The following NELL2 variants were observed in gnomAD, a reference collection of about 807,000 sequenced individuals.
NELL2 encodes neural EGFL like 2.
In NELL2, 41 loss-of-function variants were observed where a neutral mutation model predicts 109.6. The ratio of observed to expected loss-of-function variants is 0.37; its 90% CI spans 0.29 to 0.49. The LOEUF is 0.49. NELL2 is among the 20% of genes least tolerant of loss of function. NELL2 has a pLI of 0.98. For synonymous variants in NELL2, 355 were observed against 344.7 expected (o/e 1.03, Z -0.33); for missense variants, 900 against 1,008.3 (o/e 0.89, Z 1.45).
chr12:44,740,554 T>A (rs762977812), intron 9 of NELL2, among the ~76,000 whole-genome samples: 1 of 152,140 alleles, frequency 6.6e-6, no homozygotes, highest in Non-Finnish European at 1.5e-5. Context: ...CTGTACGGCA[T>A]GCTTTTGGGT....
intron 3 of NELL2, among the ~76,000 whole-genome samples, chr12:44,791,065 G>T (rs1169095675): frequency 2.3e-4 from 10 of 43,252 alleles, no homozygotes; most frequent in African/African-American, 8.7e-4. Context: ...GAAAGTTCAA[G>T]TATATATATA....
At chr12:44,645,599 T>G (rs558860037) in intron 13 of NELL2, among the ~76,000 whole-genome samples, 1 of 152,334 alleles carries the variant, frequency 6.6e-6, no homozygotes, top group Non-Finnish European at 1.5e-5. Context: ...AATTTGCTCC[T>G]TGGGTACAAT....
rs76775747 is a variant in NELL2, at chr12:44,508,751, C to T, written c.*183G>A. On this transcript the variant is annotated 3_prime_UTR_variant, in exon 20 of 20. Transcript: ENST00000429094. ...AGGCAGACTTGAGGTCTAATTTTGC[C>T]CCAGTAATTTTCCTTTTGTGATTTT... The T allele has an allele frequency of 2.4e-4, 144 of 601,654 alleles. No individual in the cohort carries two copies. The African/African-American group carries it at 2.5e-3, about 10-fold the overall frequency. The allele number at this position is 601,654 out of a possible 1,614,324, so 37.3% of individuals were successfully genotyped here. A position where few individuals can be genotyped will look rare whatever the true frequency, so the allele number is the denominator to read the frequency against.
rs549757002 is a variant in NELL2, at chr12:44,725,882, A to C, written c.995-11141T>G. The stretch of plus-strand genomic sequence containing the variant: ...AGGGTGGGAGTAGGAAGAGGAGCAG[A>C]AAAGATAACTATTGGGTACTGGGTT... On this transcript the variant is annotated intron_variant, in intron 9 of 19. Transcript: ENST00000429094. 5.3e-5 allele frequency among the ~76,000 whole-genome samples: 8 copies of C among 152,306 alleles called. 1 individual carries two copies. In the East Asian group the frequency reaches 1.5e-3, roughly 29 times the overall value.
At chr12:44,586,744 G>A (rs1463840575) in intron 15 of NELL2, among the ~76,000 whole-genome samples, 1 of 152,084 alleles carries the variant, frequency 6.6e-6, no homozygotes, top group African/African-American at 2.4e-5. Context: ...TAGTTCTATA[G>A]CATATTAGCG....
chr12:44,789,062 C>T (rs1592535756), intron 3 of NELL2, among the ~76,000 whole-genome samples: 1 of 152,100 alleles, frequency 6.6e-6, no homozygotes, highest in Non-Finnish European at 1.5e-5. Context: ...TCCTTCCCTA[C>T]TCACCCTGGT....
intron 2 of NELL2, among the ~76,000 whole-genome samples, chr12:44,854,649 T>C (rs966114419): frequency 4.5e-5 from 1 of 22,426 alleles, no homozygotes; most frequent in Non-Finnish European, 2.5e-4. Context: ...ACATGTTTAT[T>C]GGATGGATGG....
intron 12 of NELL2, among the ~76,000 whole-genome samples, chr12:44,679,773 C>T (rs1338234733): frequency 6.6e-6 from 1 of 152,112 alleles, no homozygotes; most frequent in Non-Finnish European, 1.5e-5. Flanking sequence ...CTTGCCCTTT[C>T]CCTTTGCTTA....
intron 1 of NELL2, among the ~76,000 whole-genome samples, chr12:44,910,720 A>G (rs557664503): frequency 1.3e-5 from 2 of 152,190 alleles, no homozygotes; most frequent in East Asian, 1.9e-4. Context: ...GTGCCCATCA[A>G]TGATGGATTG....
intron 11 of NELL2, among the ~76,000 whole-genome samples, chr12:44,709,355 AG>A (rs1938065224): frequency 6.6e-6 from 1 of 152,186 alleles, no homozygotes; most frequent in Non-Finnish European, 1.5e-5. Flanking sequence ...CATAGGAAGA[AG>A]TCCTTAGATT....
At chr12:44,521,050 A>G (rs145653931) in intron 18 of NELL2, among the ~76,000 whole-genome samples, 179 of 152,372 alleles carry the variant, frequency 1.2e-3, no homozygotes, top group African/African-American at 3.8e-3. Flanking sequence ...AGTTTTCGCT[A>G]TAAAGACACA....
At chr12:44,818,214 C>G (rs1471373738) in intron 2 of NELL2, among the ~76,000 whole-genome samples, 3 of 152,182 alleles carry the variant, frequency 2.0e-5, no homozygotes, top group Admixed American at 2.0e-4. Context: ...CATGCAAAAT[C>G]TAATTGAGAA....
chr12:44,640,151 A>C (rs1455060248), intron 13 of NELL2, among the ~76,000 whole-genome samples: 1 of 152,188 alleles, frequency 6.6e-6, no homozygotes, highest in Non-Finnish European at 1.5e-5. Context: ...TTGCTTCACA[A>C]ATATAAATGG....
chr12:44,762,815 A>T (rs1211681139), intron 9 of NELL2, among the ~76,000 whole-genome samples: 1 of 152,204 alleles, frequency 6.6e-6, no homozygotes, highest in Admixed American at 6.5e-5. Flanking sequence ...TACTTATTTC[A>T]GGTGCTTTAT....
At chr12:44,762,893 G>A (rs537296556) in intron 9 of NELL2, among the ~76,000 whole-genome samples, 46 of 152,222 alleles carry the variant, frequency 3.0e-4, no homozygotes, top group South Asian at 6.2e-4. Context: ...AAGATATTTG[G>A]TGGTAAAACA....
intron 12 of NELL2, among the ~76,000 whole-genome samples, chr12:44,691,412 G>T (rs1005352320): frequency 6.6e-6 from 1 of 152,298 alleles, no homozygotes; most frequent in Admixed American, 6.5e-5. Flanking sequence ...AACTGTGTGT[G>T]TTCTGATGGC....
chr12:44,618,509 T>C (rs1178393125), intron 13 of NELL2, among the ~76,000 whole-genome samples: 1 of 152,198 alleles, frequency 6.6e-6, no homozygotes, highest in East Asian at 1.9e-4. Flanking sequence ...TGCTAAGACA[T>C]GTTTTATAAT....
rs1426348316 is a variant in NELL2, at chr12:44,555,540, T to C, written c.1664-22819A>G. Among the ~76,000 whole-genome samples, 7 of 152,174 alleles carry C rather than the reference T, an allele frequency of 4.6e-5. No individual in the cohort carries two copies. In the East Asian group the frequency reaches 1.3e-3, roughly 29 times the overall value. On this transcript the variant is annotated intron_variant, in intron 15 of 19. Transcript: ENST00000429094. Reference sequence around the variant, plus strand: ...ATCATCTACTTCAAAGACCCACTGCTAGCAATGGGATCAGCTGCCAAGTCT... The same window carrying C: ...ATCATCTACTTCAAAGACCCACTGCCAGCAATGGGATCAGCTGCCAAGTCT...
At chr12:44,888,817 A>C (rs1249755070) in intron 1 of NELL2, among the ~76,000 whole-genome samples, 2 of 151,774 alleles carry the variant, frequency 1.3e-5, no homozygotes, top group Non-Finnish European at 2.9e-5. Context: ...TGAATGTGGA[A>C]TCATGATACA....
Sources: gnomAD v4.1 joint callset for allele counts (sites outside exome capture counted in the v4.1 genomes callset) on GRCh38, gnomAD v4.1.1 for gene constraint, MANE v1.5 for transcripts, NCBI Gene and HGNC (gene_info 2026-07-23, HGNC 2026-07-21) for gene names.